The following SBF2 variants were observed in gnomAD, a reference collection of about 807,000 sequenced individuals.
SBF2 encodes the protein myotubularin-related protein 13.
SBF2 carries 112 observed loss-of-function variants against 225.2 expected under a neutral mutation model. The observed-to-expected ratio is 0.50, with a 90% confidence interval of 0.43 to 0.58. SBF2 has a LOEUF of 0.58. Among genes scored for constraint, SBF2 ranks in the 20% least tolerant of loss-of-function variants. SBF2 has a pLI of 0.00. For synonymous variants in SBF2, 763 were observed against 773.3 expected, an observed-to-expected ratio of 0.99 and a Z score of 0.22; for missense variants, 1,996 against 2,206.2, an observed-to-expected ratio of 0.90 and a Z score of 1.91.
At chr11:9,887,222 A>C (rs1301884713) in intron 17 of SBF2, among the ~76,000 whole-genome samples, 2 of 151,798 alleles carry the variant, frequency 1.3e-5, no homozygotes, top group African/African-American at 4.8e-5. Flanking sequence ...ATTAAAAATT[A>C]GTAATTATTA....
At chr11:10,210,118 C>A (rs1565357710) in intron 1 of SBF2, among the ~76,000 whole-genome samples, 1 of 151,990 alleles carries the variant, frequency 6.6e-6, no homozygotes, top group African/African-American at 2.4e-5. Context: ...TCAGCCCGGG[C>A]AACATGGCAA....
At chr11:10,093,066 G>C (rs1473920638) in intron 2 of SBF2, among the ~76,000 whole-genome samples, 1 of 151,112 alleles carries the variant, frequency 6.6e-6, no homozygotes, top group Non-Finnish European at 1.5e-5. Context: ...ACCCAGGCTG[G>C]AGGGCAGTGG....
intron 2 of SBF2, among the ~76,000 whole-genome samples, chr11:10,152,462 T>C (rs1283169113): frequency 2.0e-5 from 3 of 151,682 alleles, no homozygotes; most frequent in Non-Finnish European, 4.4e-5. Flanking sequence ...GGCAGGAGAA[T>C]CGCTTGAACC....
chr11:9,967,971 C>CTA lies in SBF2; in HGVS notation c.1600+368_1600+369dup, dbSNP rs1188261255. ...TGTCTCTCTCTCTCTCTCTCTCTCT[C>CTA]TATATATATATATATATATAAAATA... On this transcript the variant is annotated intron_variant, in intron 14 of 39. Transcript: ENST00000256190. 4.6e-3 allele frequency among the ~76,000 whole-genome samples: 417 copies of CTA among 91,424 alleles called. 2 individuals are homozygous for CTA. Among genetic ancestry groups the CTA allele is most frequent in the East Asian group, 6.9e-3 (19 of 2,768 alleles). The allele number at this position is 91,424 out of a possible 152,430, so 60.0% of individuals were successfully genotyped here.
intron 16 of SBF2, among the ~76,000 whole-genome samples, chr11:9,923,807 C>A (rs1863818856): frequency 6.6e-6 from 1 of 152,144 alleles, no homozygotes; most frequent in Admixed American, 6.5e-5. Flanking sequence ...CAAATGGCCA[C>A]CTAAACTTCA....
At chr11:10,171,754 G>A (rs1956197004) in intron 2 of SBF2, among the ~76,000 whole-genome samples, 1 of 152,164 alleles carries the variant, frequency 6.6e-6, no homozygotes, top group Non-Finnish European at 1.5e-5. Flanking sequence ...ATAGAATTCA[G>A]CAGTCAAGCC....
chr11:9,832,810 A>G (rs952415117), intron 26 of SBF2, among the ~76,000 whole-genome samples: 2 of 152,210 alleles, frequency 1.3e-5, no homozygotes, highest in African/African-American at 2.4e-5. Flanking sequence ...AAATCCCTAG[A>G]TGGTGAAAAT....
intron 17 of SBF2, among the ~76,000 whole-genome samples, chr11:9,894,184 C>T (rs1441593790): frequency 6.6e-6 from 1 of 152,118 alleles, no homozygotes; most frequent in Admixed American, 6.6e-5. Flanking sequence ...GAATTTTAGA[C>T]CAGCCTGGGC....
intron 16 of SBF2, among the ~76,000 whole-genome samples, chr11:9,920,045 A>G (rs943172696): frequency 1.3e-5 from 2 of 151,984 alleles, no homozygotes; most frequent in Non-Finnish European, 2.9e-5. Flanking sequence ...TCTTTTTTAA[A>G]AAAAACTTAC....
At chr11:9,938,377 C>T (rs913574398) in intron 16 of SBF2, among the ~76,000 whole-genome samples, 1 of 150,864 alleles carries the variant, frequency 6.6e-6, no homozygotes, top group Non-Finnish European at 1.5e-5. Context: ...TTTGCACTCT[C>T]AATTCCAGTG....
At position 9,968,559 on chromosome 11, in the gene SBF2, C is replaced by T; in HGVS notation, c.1396-14G>A. ...ATTTGGATTCTCCTGTAATATCAGACATAGGTAAAATTACTCCAAGTTAAA... is the reference window on the plus strand; with the variant it reads ...ATTTGGATTCTCCTGTAATATCAGATATAGGTAAAATTACTCCAAGTTAAA... On this transcript the variant is annotated splice_polypyrimidine_tract_variant and intron_variant, in intron 13 of 39. Coordinates refer to ENST00000256190, the MANE Select transcript of SBF2 (RefSeq NM_030962.4). 1.9e-6 allele frequency: 3 copies of T among 1,603,804 alleles called. No homozygotes were observed. Among genetic ancestry groups the T allele is most frequent in the Non-Finnish European group, 2.6e-6 (3 of 1,170,666 alleles).
At chr11:10,254,939 A>AAAAAAAAAAAAAT (rs1960737355) in intron 1 of SBF2, among the ~76,000 whole-genome samples, 2 of 113,920 alleles carry the variant, frequency 1.8e-5, no homozygotes, top group African/African-American at 6.3e-5. Context: ...AAAAAAAAAA[A>AAAAAAAAAAAAAT]TCCTATTATT....
At position 9,859,742 on chromosome 11, in the gene SBF2, C is replaced by T. The variant is rs74463450; in HGVS notation, c.1930-1346G>A. Among the ~76,000 whole-genome samples the T allele has an allele frequency of 7.8e-3, 1,180 of 152,226 alleles. 12 individuals carry two copies. Among genetic ancestry groups the T allele is most frequent in the African/African-American group, 0.027 (1,113 of 41,540 alleles). Reference sequence around the variant, plus strand: ...TATAAGACATCTGGTAAAAATTACACGCTCAATACATGCTAATCTCCTTTT... The same window carrying T: ...TATAAGACATCTGGTAAAAATTACATGCTCAATACATGCTAATCTCCTTTT... On this transcript the variant is annotated intron_variant, in intron 17 of 39. Transcript: ENST00000256190.
chr11:9,915,754 A>G (rs1469400362), intron 16 of SBF2: 1 of 152,116 alleles, frequency 6.6e-6, no homozygotes, highest in Admixed American at 6.6e-5. Flanking sequence ...CTTCATATAT[A>G]TAAAAAATGT....
intron 1 of SBF2, among the ~76,000 whole-genome samples, chr11:10,267,717 A>G (rs1418576734): frequency 1.3e-5 from 2 of 152,206 alleles, no homozygotes; most frequent in African/African-American, 4.8e-5. Context: ...GAAACTGTCT[A>G]CACCCAGACT....
At position 9,792,184 on chromosome 11, in the gene SBF2, CA is replaced by C. The variant is rs930667570; in HGVS notation, c.4571-1502del. The stretch of plus-strand genomic sequence containing the variant: ...CGGTGGCTCACATCTGTAATCCCAG[CA>C]CTTTGGGAGGCTGACGTGGGCGGAT... On this transcript the variant is annotated intron_variant, in intron 33 of 39. Coordinates refer to ENST00000256190, the MANE Select transcript of SBF2 (RefSeq NM_030962.4). 5.9e-5 allele frequency among the ~76,000 whole-genome samples: 9 copies of C among 152,250 alleles called. No homozygotes were observed. The East Asian group carries it at 1.5e-3, about 26-fold the overall frequency.
At chr11:9,864,069 C>G (rs1194165670) in intron 17 of SBF2, among the ~76,000 whole-genome samples, 1 of 152,082 alleles carries the variant, frequency 6.6e-6, no homozygotes, top group Non-Finnish European at 1.5e-5. Context: ...TTAGCAGGAG[C>G]AGAAAGAGAA....
rs1195769459 is a variant in SBF2, at chr11:9,784,271, T to A, written c.5319+80A>T. On this transcript the variant is annotated intron_variant, in intron 38 of 39. Coordinates refer to ENST00000256190, the MANE Select transcript of SBF2 (RefSeq NM_030962.4). The stretch of plus-strand genomic sequence containing the variant: ...GCAGTCTGTACATGAGGAATCTATC[T>A]GTCTGCTAGAGCCACATAATAGCCA... 6 of 1,043,900 alleles carry A rather than the reference T, an allele frequency of 5.7e-6. No individual in the cohort carries two copies. In the Admixed American group the frequency reaches 1.0e-4, roughly 18 times the overall value. The allele number at this position is 1,043,900 out of a possible 1,614,324, so 64.7% of individuals were successfully genotyped here. A position where few individuals can be genotyped will look rare whatever the true frequency, so the allele number is the denominator to read the frequency against.
chr11:10,218,478 T>C (rs1958217684), intron 1 of SBF2, among the ~76,000 whole-genome samples: 1 of 152,038 alleles, frequency 6.6e-6, no homozygotes, highest in Non-Finnish European at 1.5e-5. Flanking sequence ...GTCCTCACAT[T>C]TCTCAACCAA....
Sources: gnomAD v4.1 joint callset for allele counts (sites outside exome capture counted in the v4.1 genomes callset) on GRCh38, gnomAD v4.1.1 for gene constraint, MANE v1.5 for transcripts, NCBI Gene and HGNC (gene_info 2026-07-23, HGNC 2026-07-21) for gene names.